SPMIP2: variants seen among roughly 807,000 people sequenced by gnomAD.
The protein encoded by SPMIP2 is protein SPMIP2.
the SPMIP2 span, among the ~76,000 whole-genome samples, chr4:159,054,778 C>A: frequency 1.3e-5 from 2 of 152,198 alleles, no homozygotes; most frequent in African/African-American, 4.8e-5. Flanking sequence ...CTCAGCTGCT[C>A]AATGCACTAT....
At chr4:159,041,249 GTAGTTAACT>G in the SPMIP2 span, among the ~76,000 whole-genome samples, 1 of 152,152 alleles carries the variant, frequency 6.6e-6, no homozygotes, top group Non-Finnish European at 1.5e-5. Context: ...TCCCCCAGTT[GTAGTTAACT>G]TAATTGGGGA....
chr4:159,002,144 C>G, the SPMIP2 span, among the ~76,000 whole-genome samples: 1 of 151,950 alleles, frequency 6.6e-6, no homozygotes, highest in African/African-American at 2.4e-5. Flanking sequence ...GTATCCTTAT[C>G]ACTTGCCCAC....
chr4:159,078,418 C>G, the SPMIP2 span, among the ~76,000 whole-genome samples: 3 of 152,340 alleles, frequency 2.0e-5, no homozygotes, highest in Admixed American at 2.0e-4. Context: ...GGAGTTCCTA[C>G]TGGCATGGAA....
chr4:159,023,205 T>A, the SPMIP2 span, among the ~76,000 whole-genome samples: 1 of 152,116 alleles, frequency 6.6e-6, no homozygotes, highest in Non-Finnish European at 1.5e-5. Flanking sequence ...ACATTTGAAT[T>A]GGTAAACTGA....
the SPMIP2 span, among the ~76,000 whole-genome samples, chr4:159,025,915 A>G: frequency 6.6e-6 from 1 of 152,178 alleles, no homozygotes. Context: ...GCTTACACCT[A>G]TTTCCTAGTA....
At chr4:159,034,845 C>T in the SPMIP2 span, among the ~76,000 whole-genome samples, 2 of 151,842 alleles carry the variant, frequency 1.3e-5, no homozygotes, top group South Asian at 2.1e-4. Flanking sequence ...GAGCCGAGAT[C>T]GCGCCATTGT....
chr4:158,980,174 G>A, the SPMIP2 span, among the ~76,000 whole-genome samples: 96,079 of 151,902 alleles, frequency 0.63, 30,718 homozygotes, highest in Middle Eastern at 0.71. Context: ...CTCTGGGCAA[G>A]GCATCTCTGA....
chr4:159,060,524 G>T, the SPMIP2 span, among the ~76,000 whole-genome samples: 1 of 152,188 alleles, frequency 6.6e-6, no homozygotes, highest in Non-Finnish European at 1.5e-5. Flanking sequence ...TGTTAGTAAC[G>T]ATGGTGGCCT....
At chr4:158,924,359 G>A in the SPMIP2 span, among the ~76,000 whole-genome samples, 1 of 152,100 alleles carries the variant, frequency 6.6e-6, no homozygotes, top group Non-Finnish European at 1.5e-5. Context: ...TTTATTGCGA[G>A]GATCATATGG....
At chr4:159,013,397 G>A in the SPMIP2 span, among the ~76,000 whole-genome samples, 2 of 152,212 alleles carry the variant, frequency 1.3e-5, no homozygotes, top group Non-Finnish European at 2.9e-5. Flanking sequence ...CACAGACTGG[G>A]TGGCTTAAAC....
chr4:158,997,789 A>G, the SPMIP2 span, among the ~76,000 whole-genome samples: 1 of 152,082 alleles, frequency 6.6e-6, no homozygotes, highest in East Asian at 1.9e-4. Flanking sequence ...AGTAGCTGTG[A>G]TTACACGCAT....
chr4:158,951,472 G>A, the SPMIP2 span, among the ~76,000 whole-genome samples: 10 of 152,296 alleles, frequency 6.6e-5, no homozygotes, highest in East Asian at 5.8e-4. Flanking sequence ...ATATAGTATT[G>A]TAACCTTATG....
At chr4:158,917,679 C>T in the SPMIP2 span, among the ~76,000 whole-genome samples, 1 of 149,174 alleles carries the variant, frequency 6.7e-6, no homozygotes, top group Middle Eastern at 3.6e-3. Context: ...CTTTTTGTTC[C>T]TGTCATGAAG....
the SPMIP2 span, among the ~76,000 whole-genome samples, chr4:159,033,616 T>A: frequency 3.0e-4 from 46 of 152,214 alleles, no homozygotes; most frequent in Admixed American, 3.0e-3. Flanking sequence ...TTTATAAGAA[T>A]AAAGGCAAAA....
the SPMIP2 span, chr4:158,907,468 A>C: frequency 6.6e-6 from 1 of 152,126 alleles, no homozygotes; most frequent in Non-Finnish European, 1.5e-5. Context: ...ATGATACTAA[A>C]CCGTTGTTTG....
chr4:158,972,653 C>T, the SPMIP2 span, among the ~76,000 whole-genome samples: 98,782 of 152,066 alleles, frequency 0.65, 32,289 homozygotes, highest in Middle Eastern at 0.71. Flanking sequence ...ATACTTGATA[C>T]GAAGGCATTA....
At chr4:159,052,778 C>T in the SPMIP2 span, among the ~76,000 whole-genome samples, 5 of 150,474 alleles carry the variant, frequency 3.3e-5, no homozygotes, top group African/African-American at 7.3e-5. Flanking sequence ...GAATTACAGG[C>T]GCCTGCCACC....
the SPMIP2 span, among the ~76,000 whole-genome samples, chr4:158,943,344 G>A: frequency 6.6e-6 from 1 of 152,092 alleles, no homozygotes. Flanking sequence ...ATATCATGGT[G>A]GCTTAACTCT....
chr4:158,919,384 A>G, the SPMIP2 span, among the ~76,000 whole-genome samples: 1 of 152,120 alleles, frequency 6.6e-6, no homozygotes, highest in African/African-American at 2.4e-5. Flanking sequence ...TCTTCCTTTG[A>G]CTTTCACATA....
Sources: gnomAD v4.1 joint callset for allele counts (sites outside exome capture counted in the v4.1 genomes callset) on GRCh38, gnomAD v4.1.1 for gene constraint, MANE v1.5 for transcripts, NCBI Gene and HGNC (gene_info 2026-07-23, HGNC 2026-07-21) for gene names.